The following PLXNA2 variants were observed in gnomAD, a reference collection of about 807,000 sequenced individuals.
PLXNA2 encodes plexin A2, also known as plexin-A2.
A neutral mutation model predicts 193.5 loss-of-function variants in PLXNA2; 91 were observed. That is an observed-to-expected ratio of 0.47 (90% confidence interval 0.40 to 0.56). PLXNA2 has a LOEUF of 0.56. PLXNA2 is among the 20% of genes least tolerant of loss of function. The pLI is 0.00. For synonymous variants in PLXNA2, 997 were observed against 1,027.3 expected (o/e 0.97, Z 0.56); for missense variants, 1,995 against 2,503.2 (o/e 0.80, Z 4.33).
intron 22 of PLXNA2, 73 bp from the exon 23 acceptor site, chr1:208,040,131 G>T: frequency 8.1e-7 from 1 of 1,240,828 alleles, no homozygotes. Flanking sequence ...GGCTTGCCAT[G>T]AGGTCTCCCA....
intron 4 of PLXNA2, among the ~76,000 whole-genome samples, chr1:208,122,669 A>G (rs942718661): frequency 2.0e-5 from 3 of 152,152 alleles, no homozygotes; most frequent in Non-Finnish European, 2.9e-5. Flanking sequence ...GAAAATAAGG[A>G]AAAAAGGAGA....
At chr1:208,045,771 A>C (rs1330476824) in intron 18 of PLXNA2, 107 bp downstream of exon 18, 8 of 1,381,454 alleles carry the variant, frequency 5.8e-6, no homozygotes, top group South Asian at 2.7e-5. Flanking sequence ...TGCAAGTTCA[A>C]TTGCATAGAA....
intron 12 of PLXNA2, among the ~76,000 whole-genome samples, chr1:208,061,385 C>T (rs1426338412): frequency 6.6e-6 from 1 of 152,092 alleles, no homozygotes; most frequent in Non-Finnish European, 1.5e-5. Context: ...GAAATTTGGC[C>T]TCAAGAAACT....
intron 1 of PLXNA2, among the ~76,000 whole-genome samples, chr1:208,231,985 G>C (rs895063722): frequency 6.6e-6 from 1 of 152,240 alleles, no homozygotes; most frequent in Non-Finnish European, 1.5e-5. Flanking sequence ...TTTGCAAATG[G>C]ATATGGGGTC....
chr1:208,068,421 G>A (rs1665867461), intron 12 of PLXNA2, among the ~76,000 whole-genome samples: 1 of 152,198 alleles, frequency 6.6e-6, no homozygotes, highest in South Asian at 2.1e-4. Flanking sequence ...GGACTGAACA[G>A]CTGCCTCCTC....
chr1:208,031,428 G>T, intron 29 of PLXNA2, 162 bp downstream of exon 29: 1 of 1,301,286 alleles, frequency 7.7e-7, no homozygotes, highest in Non-Finnish European at 1.0e-6. Flanking sequence ...GACCGTGTGG[G>T]CTCTGCAGAG....
rs1664499632 is a variant in PLXNA2 at position 208,031,430 on chromosome 1, T to C, written c.5225+160A>G. 3.8e-6 allele frequency: 5 copies of C among 1,307,420 alleles called. No individual in the cohort carries two copies. In the South Asian group the frequency reaches 7.5e-5, roughly 20 times the overall value. 81.0% of individuals were successfully genotyped at this position (1,307,420 alleles called of 1,614,324 possible). ...ACAGGCAGCTGGGGACCGTGTGGGCTCTGCAGAGCATATGTGCACTGTTTG... is the reference window on the plus strand; with the variant it reads ...ACAGGCAGCTGGGGACCGTGTGGGCCCTGCAGAGCATATGTGCACTGTTTG... On this transcript the variant is annotated intron_variant, in intron 29 of 31. Transcript: ENST00000367033.
chr1:208,025,782 T>C lies in PLXNA2; in HGVS notation c.*1461A>G, dbSNP rs1664325626. Reference sequence around the variant, plus strand: ...TACACTCAGGAGAATTGGTTATCCATAGTTTTAGGCATCATCAGAAGAGAC... The same window carrying C: ...TACACTCAGGAGAATTGGTTATCCACAGTTTTAGGCATCATCAGAAGAGAC... On this transcript the variant is annotated 3_prime_UTR_variant, in exon 32 of 32. Transcript: ENST00000367033. 1 of 152,240 alleles carries C rather than the reference T, an allele frequency of 6.6e-6. No individual in the cohort carries two copies. Among genetic ancestry groups the C allele is most frequent in the Non-Finnish European group, 1.5e-5 (1 of 68,052 alleles). The allele number at this position is 152,240 out of a possible 1,614,324, so 9.4% of individuals were successfully genotyped here. A position where few individuals can be genotyped will look rare whatever the true frequency, so the allele number is the denominator to read the frequency against.
chr1:208,240,393 C>T (rs182550272), intron 1 of PLXNA2, among the ~76,000 whole-genome samples: 46 of 152,330 alleles, frequency 3.0e-4, no homozygotes, highest in Admixed American at 5.9e-4. Context: ...TCTCTGTCTC[C>T]ATAGGGCTCA....
chr1:208,074,174 G>T (rs1011746918), intron 12 of PLXNA2, among the ~76,000 whole-genome samples: 1 of 152,048 alleles, frequency 6.6e-6, no homozygotes, highest in African/African-American at 2.4e-5. Context: ...CCTACTCATG[G>T]CCCCTTAAGA....
chr1:208,090,223 G>A (rs761002171), intron 9 of PLXNA2, among the ~76,000 whole-genome samples: 49 of 152,232 alleles, frequency 3.2e-4, no homozygotes, highest in Middle Eastern at 3.4e-3. Flanking sequence ...CAATGCACAC[G>A]AGCATAAGAG....
At chr1:208,201,590 G>T (rs369147223) in intron 3 of PLXNA2, among the ~76,000 whole-genome samples, 17 of 152,278 alleles carry the variant, frequency 1.1e-4, no homozygotes, top group African/African-American at 3.1e-4. Flanking sequence ...ACTACCCCAG[G>T]GAGCCAGGGA....
intron 3 of PLXNA2, among the ~76,000 whole-genome samples, chr1:208,172,274 A>G (rs1669520471): frequency 6.6e-6 from 1 of 151,970 alleles, no homozygotes; most frequent in Non-Finnish European, 1.5e-5. Context: ...GGTTGGAGGA[A>G]GTACTGTGGA....
chr1:208,095,113 T>C (rs1666838570), intron 8 of PLXNA2, among the ~76,000 whole-genome samples: 1 of 152,210 alleles, frequency 6.6e-6, no homozygotes, highest in Non-Finnish European at 1.5e-5. Context: ...AGCTGTTGAT[T>C]GACCTCTCCC....
In PLXNA2 at chr1:208,235,881, G is replaced by A. The variant is rs56138454; in HGVS notation, c.-81+7762C>T. On this transcript the variant is annotated intron_variant, in intron 1 of 31. Coordinates refer to ENST00000367033, the MANE Select transcript of PLXNA2 (RefSeq NM_025179.4). ...CCTGTGGGTCACTCAGAGTGGGGCG[G>A]TAGACTCAAATTTTGTTCATTTACA... Among the ~76,000 whole-genome samples, 850 of 152,274 alleles carry A rather than the reference G, an allele frequency of 5.6e-3. 4 individuals carry two copies. Among genetic ancestry groups the A allele is most frequent in the Non-Finnish European group, 0.01 (713 of 68,022 alleles).
chr1:208,065,277 A>G (rs797015131), intron 12 of PLXNA2, among the ~76,000 whole-genome samples: 17 of 152,348 alleles, frequency 1.1e-4, no homozygotes, highest in African/African-American at 4.1e-4. Flanking sequence ...CGGATAGGGA[A>G]GAAAGACCAT....
intron 22 of PLXNA2, 106 bp downstream of exon 22, chr1:208,041,992 C>A: frequency 8.2e-7 from 1 of 1,221,230 alleles, no homozygotes; most frequent in Non-Finnish European, 1.2e-6. Flanking sequence ...GGTGCCCCTT[C>A]TGGGGAGTGG....
At chr1:208,193,747 G>A (rs1670260163) in intron 3 of PLXNA2, among the ~76,000 whole-genome samples, 1 of 152,046 alleles carries the variant, frequency 6.6e-6, no homozygotes, top group African/African-American at 2.4e-5. Flanking sequence ...ATTTGTCTGG[G>A]CTGGTCACAG....
intron 5 of PLXNA2, among the ~76,000 whole-genome samples, chr1:208,099,909 C>T (rs1395566236): frequency 1.3e-5 from 2 of 151,986 alleles, no homozygotes; most frequent in Non-Finnish European, 2.9e-5. Flanking sequence ...GCTGAGACCA[C>T]AGAGTGAGGG....
Sources: allele counts gnomAD v4.1 joint callset (sites outside exome capture counted in the v4.1 genomes callset), GRCh38; gene constraint gnomAD v4.1.1; transcripts MANE v1.5; gene names NCBI Gene and HGNC (gene_info 2026-07-23, HGNC 2026-07-21).